The following PADI2 variants were observed in gnomAD, a reference collection of about 807,000 sequenced individuals.
PADI2 encodes peptidyl arginine deiminase 2.
PADI2 carries 70 observed loss-of-function variants against 81.1 expected under a neutral mutation model. The observed-to-expected ratio is 0.86, with a 90% CI of 0.71 to 1.05. PADI2 has a LOEUF of 1.05. PADI2 is among the 50% of genes least tolerant of loss of function. PADI2 has a pLI of 0.00. For missense variants in PADI2, 853 were observed against 889.9 expected (o/e 0.96, Z 0.53); for synonymous variants, 338 against 358.0 (o/e 0.94, Z 0.63).
At chr1:17,104,399 C>G (rs537568288) in intron 2 of PADI2, among the ~76,000 whole-genome samples, 2 of 145,726 alleles carry the variant, frequency 1.4e-5, no homozygotes, top group South Asian at 4.3e-4. Context: ...GATATTAAGA[C>G]AATTAATTTC....
chr1:17,089,446 G>A (rs1266119193), intron 6 of PADI2, among the ~76,000 whole-genome samples: 1 of 152,246 alleles, frequency 6.6e-6, no homozygotes, highest in Admixed American at 6.5e-5. Flanking sequence ...AAGCCACACA[G>A]CCAAAGCTTT....
In PADI2 at chr1:17,104,998, C is replaced by T. The variant is rs774635014; in HGVS notation, c.156G>A (p.Val52=). 6.2e-7 allele frequency: 1 copy of T among 1,609,864 alleles called. No homozygotes were observed. Among genetic ancestry groups the T allele is most frequent in the Non-Finnish European group, 8.5e-7 (1 of 1,178,324 alleles). Residue 52 remains valine (V), a synonymous_variant, in exon 2 of 16, where the codon GTG becomes GTA. Coordinates refer to ENST00000375486, the MANE Select transcript of PADI2 (RefSeq NM_007365.3). ...CCTCCTCAGCCTCCCCATCACGCACCACCTCCACCCACACGTGTTCCGAGT... is the reference window on the plus strand; with the variant it reads ...CCTCCTCAGCCTCCCCATCACGCACTACCTCCACCCACACGTGTTCCGAGT... ...LKHSEHVWVE[V]VRDGEAEEVA...
At chr1:17,078,650 A>C (rs937066105) in intron 11 of PADI2, among the ~76,000 whole-genome samples, 1 of 152,116 alleles carries the variant, frequency 6.6e-6, no homozygotes, top group African/African-American at 2.4e-5. Context: ...GGCCTCCCAA[A>C]GTGCTGGGAC....
chr1:17,068,881 G>C lies in PADI2; in HGVS notation c.*163C>G. 1 of 625,504 alleles carries C rather than the reference G, an allele frequency of 1.6e-6. No individual in the cohort carries two copies. Among genetic ancestry groups the C allele is most frequent in the Non-Finnish European group, 2.9e-6 (1 of 349,170 alleles). The allele number at this position is 625,504 out of a possible 1,614,324, so 38.7% of individuals were successfully genotyped here. On this transcript the variant is annotated 3_prime_UTR_variant, in exon 16 of 16. Transcript: ENST00000375486. ...GGGGATGGCTTCAGAGGACACTGAG[G>C]CCCCTCTCAGGGAGGGCAAGGCACA...
At chr1:17,087,485 T>TTTG (rs1930514758) in intron 6 of PADI2, among the ~76,000 whole-genome samples, 1 of 102,098 alleles carries the variant, frequency 9.8e-6, no homozygotes, top group African/African-American at 4.2e-5. Flanking sequence ...TTTATGTTTG[T>TTTG]TTGTTTGTTT....
At chr1:17,092,948 C>CAA (rs1175202023) in intron 5 of PADI2, among the ~76,000 whole-genome samples, 11 of 60,096 alleles carry the variant, frequency 1.8e-4, no homozygotes, top group African/African-American at 4.2e-4. Context: ...GGCCTTGTCT[C>CAA]AAAAAAAAAA....
intron 11 of PADI2, among the ~76,000 whole-genome samples, chr1:17,077,901 G>A (rs1305271941): frequency 6.6e-6 from 1 of 152,138 alleles, no homozygotes; most frequent in Non-Finnish European, 1.5e-5. Context: ...TTCACTGGCT[G>A]GTGGGTCAAC....
At chr1:17,086,466 G>T in intron 7 of PADI2, 55 bp downstream of exon 7, 1 of 1,458,054 alleles carries the variant, frequency 6.9e-7, no homozygotes. Context: ...ACTAGTAGGA[G>T]ACCCACCCTG....
chr1:17,076,968 C>T (rs2078308218), intron 11 of PADI2, among the ~76,000 whole-genome samples: 1 of 152,144 alleles, frequency 6.6e-6, no homozygotes, highest in Non-Finnish European at 1.5e-5. Flanking sequence ...CCAACAAATT[C>T]CTTTCTGATC....
chr1:17,076,798 C>T (rs542158022), intron 11 of PADI2, among the ~76,000 whole-genome samples: 8 of 151,670 alleles, frequency 5.3e-5, no homozygotes, highest in East Asian at 1.9e-4. Flanking sequence ...AGGATGGTCT[C>T]GATCTCTTGA....
chr1:17,090,472 C>A (rs1474637483), intron 6 of PADI2, among the ~76,000 whole-genome samples: 1 of 152,210 alleles, frequency 6.6e-6, no homozygotes, highest in African/African-American at 2.4e-5. Flanking sequence ...TACCAGGACA[C>A]CTGACATTCG....
At chr1:17,087,963 T>C (rs563750004) in intron 6 of PADI2, among the ~76,000 whole-genome samples, 6 of 152,172 alleles carry the variant, frequency 3.9e-5, no homozygotes, top group Non-Finnish European at 8.8e-5. Context: ...CAAGGGGGAA[T>C]TTTCAGGCAG....
At chr1:17,079,062 T>C (rs990299863) in intron 11 of PADI2, 2 of 474,428 alleles carry the variant, frequency 4.2e-6, no homozygotes, top group Non-Finnish European at 7.5e-6. Context: ...TATTTAGTTA[T>C]ATATTAGATC....
chr1:17,092,531 G>A lies in PADI2; in HGVS notation c.532C>T (p.Leu178Phe). ...RDEKVYSKED[L>F]KDMSQMILRT... is the part of the protein sequence containing the mutation. ...AGGATCATCTGGGACATGTCCTTGA[G>A]ATCTGAGGGACAGAAGGTGAGAATG... The change falls in exon 6 of 16, where the codon CTC (leucine) becomes TTC (phenylalanine). Residue 178 changes from leucine (L) to phenylalanine (F), a missense_variant and splice_region_variant. Physicochemically the swap from Leu to Phe is conservative, Grantham distance 22 (BLOSUM62 0). Coordinates refer to ENST00000375486, the MANE Select transcript of PADI2 (RefSeq NM_007365.3). 1 of 1,588,068 alleles carries A rather than the reference G, an allele frequency of 6.3e-7. No homozygotes were observed. The highest frequency in any genetic ancestry group is 8.6e-7 in the Non-Finnish European group (1 of 1,167,938).
intron 3 of PADI2, among the ~76,000 whole-genome samples, chr1:17,101,874 G>A (rs940679824): frequency 6.6e-6 from 1 of 152,138 alleles, no homozygotes; most frequent in Non-Finnish European, 1.5e-5. Context: ...TATAAAATGA[G>A]GATGATAATA....
rs367804119 is a variant in PADI2 at position 17,069,186 on chromosome 1, C to T, written c.1856G>A (p.Arg619His). ...GAGGCCCAGGGGCTCCAGGAGGCCA[C>T]GCACGTGCATCTCCAGGCAGCATTC... ...EEECCLEMHV[R>H]GLLEPLGLEC... The change falls in exon 16 of 16, where the codon CGT becomes CAT. Residue 619 changes from arginine (R) to histidine (H), a missense_variant. Arg to His is a conservative substitution (Grantham distance 29, BLOSUM62 0). Transcript: ENST00000375486. 2.0e-5 allele frequency: 33 copies of T among 1,614,184 alleles called. No homozygotes were observed. The highest frequency in any genetic ancestry group is 1.0e-4 in the Admixed American group (6 of 60,028).
At chr1:17,095,308 C>G (rs149668105) in intron 4 of PADI2, among the ~76,000 whole-genome samples, 1 of 152,190 alleles carries the variant, frequency 6.6e-6, no homozygotes, top group Non-Finnish European at 1.5e-5. Context: ...CCAACCACAC[C>G]ACATGCCTCC....
chr1:17,101,880 T>G (rs1931158254), intron 3 of PADI2, among the ~76,000 whole-genome samples: 1 of 152,192 alleles, frequency 6.6e-6, no homozygotes, highest in Non-Finnish European at 1.5e-5. Flanking sequence ...ATGAGGATGA[T>G]AATAATAATA....
At chr1:17,096,403 A>C (rs768319439) in intron 3 of PADI2, among the ~76,000 whole-genome samples, 1 of 152,250 alleles carries the variant, frequency 6.6e-6, no homozygotes. Flanking sequence ...CAGGGATAGC[A>C]TTCCCAAACT....
Sources: gnomAD v4.1 joint callset for allele counts (sites outside exome capture counted in the v4.1 genomes callset) on GRCh38, gnomAD v4.1.1 for gene constraint, MANE v1.5 for transcripts, NCBI Gene and HGNC (gene_info 2026-07-23, HGNC 2026-07-21) for gene names.